GRIK2: variants seen among roughly 807,000 people sequenced by gnomAD.
GRIK2 encodes glutamate ionotropic receptor kainate type subunit 2.
In GRIK2, 32 loss-of-function variants were observed where a neutral mutation model predicts 100.3. That is an observed-to-expected ratio of 0.32 (90% CI 0.24 to 0.43). The LOEUF (loss-of-function observed/expected upper bound fraction) is 0.43, where lower values mean the gene tolerates loss of function less well. Among genes scored for constraint, GRIK2 ranks in the 20% least tolerant of loss-of-function variants. GRIK2 has a pLI of 1.00. For synonymous variants in GRIK2, 417 were observed against 389.4 expected, an observed-to-expected ratio of 1.07 and a Z score of -0.83; for missense variants, 843 against 1,114.9, an observed-to-expected ratio of 0.76 and a Z score of 3.47.
At chr6:101,400,478 A>C (rs1466460120) in intron 2 of GRIK2, among the ~76,000 whole-genome samples, 1 of 152,228 alleles carries the variant, frequency 6.6e-6, no homozygotes, top group Non-Finnish European at 1.5e-5. Context: ...AAATGCTCCC[A>C]TTGTAGGCAC....
rs1204952377 is a variant in GRIK2 at position 101,760,624 on chromosome 6, G to A, written c.952-39024G>A. The stretch of plus-strand genomic sequence containing the variant: ...TATATATAATTATATTTAATTATAT[G>A]TTTAATTATATATAATTATATATAA... On this transcript the variant is annotated intron_variant, in intron 7 of 16. Transcript: ENST00000369134. Among the ~76,000 whole-genome samples, 14 of 99,146 alleles carry A rather than the reference G, an allele frequency of 1.4e-4. 3 individuals carry two copies. The highest frequency in any genetic ancestry group is 4.7e-4 in the African/African-American group (12 of 25,344). 65.0% of individuals were successfully genotyped at this position (99,146 alleles called of 152,430 possible). A position where few individuals can be genotyped will look rare whatever the true frequency, so the allele number is the denominator to read the frequency against.
chr6:101,638,187 T>C (rs1781114369), intron 4 of GRIK2, among the ~76,000 whole-genome samples: 1 of 150,562 alleles, frequency 6.6e-6, no homozygotes, highest in Non-Finnish European at 1.5e-5. Flanking sequence ...TGTTTGTTTG[T>C]TTTATTACTT....
In GRIK2 at chr6:101,493,161, A is replaced by T. The variant is rs569814353; in HGVS notation, c.115+93769A>T. On this transcript the variant is annotated intron_variant, in intron 2 of 16. Coordinates refer to ENST00000369134, the MANE Select transcript of GRIK2 (RefSeq NM_021956.5). ...AATAGAATAAGAAGACATAATATAC[A>T]ATTAATCAAGTTGTCCAGTGAGAAT... 9.2e-5 allele frequency among the ~76,000 whole-genome samples: 14 copies of T among 152,112 alleles called. No individual in the cohort carries two copies. The East Asian group carries it at 2.7e-3, about 29-fold the overall frequency.
intron 2 of GRIK2, among the ~76,000 whole-genome samples, chr6:101,470,176 G>A (rs1189896645): frequency 2.0e-5 from 3 of 152,044 alleles, no homozygotes; most frequent in Non-Finnish European, 4.4e-5. Flanking sequence ...AGTGAATTTT[G>A]TCCCAGTGGC....
intron 7 of GRIK2, among the ~76,000 whole-genome samples, chr6:101,783,861 G>GA (rs1219295223): frequency 1.3e-5 from 2 of 152,106 alleles, no homozygotes; most frequent in Admixed American, 6.5e-5. Flanking sequence ...TATCTGGTGG[G>GA]AAAAAATGTC....
chr6:101,520,878 T>G lies in GRIK2; in HGVS notation c.116-101071T>G, dbSNP rs565343950. On this transcript the variant is annotated intron_variant, in intron 2 of 16. Transcript: ENST00000369134. ...AAAAGTCAATTTTATGTATGATTGT[T>G]TTCATGGAAAATATATTCAACTCAA... Among the ~76,000 whole-genome samples the G allele has an allele frequency of 7.9e-5, 12 of 152,222 alleles. No homozygotes were observed. The East Asian group carries it at 2.3e-3, about 29-fold the overall frequency.
intron 14 of GRIK2, among the ~76,000 whole-genome samples, chr6:102,007,052 G>T (rs527244106): frequency 6.6e-6 from 1 of 152,170 alleles, no homozygotes; most frequent in East Asian, 1.9e-4. Flanking sequence ...GCTAGATTGG[G>T]TGTTGTGCAT....
chr6:101,671,999 A>G (rs1770473746), intron 4 of GRIK2, among the ~76,000 whole-genome samples: 2 of 152,182 alleles, frequency 1.3e-5, no homozygotes, highest in South Asian at 4.1e-4. Flanking sequence ...AGACATGGAA[A>G]TTAAGGTGTC....
In GRIK2 at chr6:101,696,755, T is replaced by C. The variant is rs73761402; in HGVS notation, c.951+10402T>C. Among the ~76,000 whole-genome samples, 1,392 of 152,032 alleles carry C rather than the reference T, an allele frequency of 9.2e-3. 16 individuals are homozygous for C. The highest frequency in any genetic ancestry group is 0.031 in the African/African-American group (1,304 of 41,518). ...AGAAACATAGAATAGGCAGGTTATATATAGAAAGAAAGATCCCTAAACTAT... is the reference window on the plus strand; with the variant it reads ...AGAAACATAGAATAGGCAGGTTATACATAGAAAGAAAGATCCCTAAACTAT... On this transcript the variant is annotated intron_variant, in intron 7 of 16. Transcript: ENST00000369134.
chr6:101,501,278 A>G (rs1027905962), intron 2 of GRIK2, among the ~76,000 whole-genome samples: 3 of 152,170 alleles, frequency 2.0e-5, no homozygotes, highest in African/African-American at 7.2e-5. Flanking sequence ...CATTTTAGAC[A>G]ATTTTCAAAA....
chr6:101,406,980 T>C lies in GRIK2; in HGVS notation c.115+7588T>C, dbSNP rs532733167. Among the ~76,000 whole-genome samples the C allele has an allele frequency of 1.3e-4, 20 of 152,246 alleles. No individual in the cohort carries two copies. The South Asian group carries it at 3.9e-3, about 30-fold the overall frequency. Reference sequence around the variant, plus strand: ...GGAAGATGTTGCCTCTAGCTCTCATTTGTGTCTCCAGCTCAGTCTCAGTCT... The same window carrying C: ...GGAAGATGTTGCCTCTAGCTCTCATCTGTGTCTCCAGCTCAGTCTCAGTCT... On this transcript the variant is annotated intron_variant, in intron 2 of 16. Coordinates refer to ENST00000369134, the MANE Select transcript of GRIK2 (RefSeq NM_021956.5).
At chr6:102,022,003 G>T (rs1218640374) in intron 14 of GRIK2, among the ~76,000 whole-genome samples, 2 of 148,654 alleles carry the variant, frequency 1.3e-5, no homozygotes, top group Non-Finnish European at 3.0e-5. Flanking sequence ...TTTATTTTTA[G>T]AAGGGTAGAT....
At chr6:101,459,680 C>T (rs183651263) in intron 2 of GRIK2, among the ~76,000 whole-genome samples, 5 of 152,152 alleles carry the variant, frequency 3.3e-5, no homozygotes, top group Admixed American at 6.5e-5. Flanking sequence ...TGGTGGCTAA[C>T]GAATGAGTAC....
chr6:101,839,212 C>T (rs1462833815), intron 10 of GRIK2, among the ~76,000 whole-genome samples: 1 of 152,162 alleles, frequency 6.6e-6, no homozygotes. Flanking sequence ...CTCATAACCT[C>T]ACAACTACTT....
intron 9 of GRIK2, among the ~76,000 whole-genome samples, chr6:101,809,427 T>C (rs564936386): frequency 6.6e-6 from 1 of 152,034 alleles, no homozygotes; most frequent in Non-Finnish European, 1.5e-5. Flanking sequence ...AAACTTCATA[T>C]GAAAAAGGTG....
At chr6:101,788,889 T>A (rs1196781929) in intron 7 of GRIK2, among the ~76,000 whole-genome samples, 3 of 152,192 alleles carry the variant, frequency 2.0e-5, no homozygotes, top group African/African-American at 4.8e-5. Context: ...CCTGACTGTT[T>A]AATGATTGCC....
intron 12 of GRIK2, among the ~76,000 whole-genome samples, chr6:101,912,220 C>T (rs1399334687): frequency 1.3e-5 from 2 of 151,120 alleles, no homozygotes; most frequent in African/African-American, 2.4e-5. Flanking sequence ...CTTGCACAGA[C>T]ATCCTAAAAC....
intron 7 of GRIK2, among the ~76,000 whole-genome samples, chr6:101,792,316 G>A (rs1186103514): frequency 1.8e-4 from 28 of 151,972 alleles, no homozygotes; most frequent in Middle Eastern, 3.4e-3. Context: ...TGGTCTTTAC[G>A]TTTTGGCATG....
At chr6:101,598,035 T>C (rs946588543) in intron 2 of GRIK2, among the ~76,000 whole-genome samples, 1 of 151,744 alleles carries the variant, frequency 6.6e-6, no homozygotes, top group African/African-American at 2.4e-5. Flanking sequence ...AAGACATCAG[T>C]TATGACAGAA....
Sources: gnomAD v4.1 joint callset for allele counts (sites outside exome capture counted in the v4.1 genomes callset) on GRCh38, gnomAD v4.1.1 for gene constraint, MANE v1.5 for transcripts, NCBI Gene and HGNC (gene_info 2026-07-23, HGNC 2026-07-21) for gene names.